TRAF5: variants seen among roughly 807,000 people sequenced by gnomAD.
TRAF5 encodes the protein TNF receptor associated factor 5.
In TRAF5, 48 loss-of-function variants were observed where a neutral mutation model predicts 64.5. The observed-to-expected ratio is 0.74, with a 90% confidence interval of 0.59 to 0.95. TRAF5 has a LOEUF of 0.95. Among genes scored for constraint, TRAF5 ranks in the 40% least tolerant of loss-of-function variants. TRAF5 has a pLI of 0.00. For synonymous variants in TRAF5, 206 were observed against 240.5 expected (o/e 0.86, Z 1.33); for missense variants, 545 against 662.8 (o/e 0.82, Z 1.95).
At chr1:211,334,930 A>T (rs1702250811) in intron 1 of TRAF5, among the ~76,000 whole-genome samples, 1 of 152,144 alleles carries the variant, frequency 6.6e-6, no homozygotes, top group South Asian at 2.1e-4. Context: ...ATTGCCCTAG[A>T]CAAAGAACCA....
chr1:211,343,563 A>G (rs1203559034), intron 1 of TRAF5, among the ~76,000 whole-genome samples: 1 of 152,098 alleles, frequency 6.6e-6, no homozygotes, highest in African/African-American at 2.4e-5. Flanking sequence ...CTGGGATTAC[A>G]GGTTTGAGCC....
intron 1 of TRAF5, among the ~76,000 whole-genome samples, chr1:211,348,155 C>T (rs2102734281): frequency 6.6e-6 from 1 of 152,308 alleles, no homozygotes; most frequent in African/African-American, 2.4e-5. Context: ...TGATATGCAA[C>T]AGACTGAATG....
At chr1:211,358,084 C>T (rs1189302613) in intron 4 of TRAF5, 2 of 152,184 alleles carry the variant, frequency 1.3e-5, no homozygotes, top group Non-Finnish European at 2.9e-5. Context: ...TTAAAGGACC[C>T]TCAGGGGGAC....
chr1:211,354,816 A>G (rs551581188), intron 3 of TRAF5, among the ~76,000 whole-genome samples: 1 of 152,130 alleles, frequency 6.6e-6, no homozygotes, highest in Non-Finnish European at 1.5e-5. Context: ...CTATTTGTAC[A>G]TCTTCTTTGT....
intron 1 of TRAF5, among the ~76,000 whole-genome samples, chr1:211,346,961 T>C (rs1008423625): frequency 1.3e-5 from 2 of 152,222 alleles, no homozygotes; most frequent in Non-Finnish European, 2.9e-5. Context: ...CTTTCTTTTG[T>C]CTCTTTTGGC....
In TRAF5 at chr1:211,371,315, A is replaced by G; in HGVS notation, c.944A>G (p.His315Arg). 2 of 1,586,118 alleles carry G rather than the reference A, an allele frequency of 1.3e-6. No homozygotes were observed. Among genetic ancestry groups the G allele is most frequent in the Non-Finnish European group, 1.7e-6 (2 of 1,172,902 alleles). ...FLPNIQVFAS[H>R]IDKSAWLEAQ... The stretch of plus-strand genomic sequence containing the variant: ...TTGTAATGAAAGGTTTTTGCCAGTC[A>G]CATTGACAAGTCAGCTTGGCTAGAA... Residue 315 changes from histidine (H) to arginine (R), a missense_variant, in exon 10 of 11, where the codon CAC becomes CGC. Physicochemically the swap from His to Arg is conservative, Grantham distance 29 (BLOSUM62 0). Coordinates refer to ENST00000261464, the MANE Select transcript of TRAF5 (RefSeq NM_001033910.3).
chr1:211,333,378 G>A (rs1214681871), intron 1 of TRAF5, among the ~76,000 whole-genome samples: 2 of 152,052 alleles, frequency 1.3e-5, no homozygotes, highest in South Asian at 2.1e-4. Flanking sequence ...TAGTAGAAAC[G>A]GGATTTCACC....
At chr1:211,334,786 C>T (rs973629218) in intron 1 of TRAF5, among the ~76,000 whole-genome samples, 1 of 152,244 alleles carries the variant, frequency 6.6e-6, no homozygotes, top group African/African-American at 2.4e-5. Flanking sequence ...AGCCAGGGGC[C>T]ATCCTTGCGA....
intron 9 of TRAF5, 39 bp from the exon 10 acceptor site, chr1:211,371,263 C>A: frequency 1.3e-6 from 2 of 1,522,818 alleles, no homozygotes; most frequent in Non-Finnish European, 1.8e-6. Flanking sequence ...AAAATATTAA[C>A]TAATTTTTTA....
intron 3 of TRAF5, 130 bp from the exon 4 acceptor site, chr1:211,356,237 C>T: frequency 1.6e-6 from 1 of 635,692 alleles, no homozygotes; most frequent in Non-Finnish European, 2.8e-6. Flanking sequence ...TGTGATATTT[C>T]CATTCCAGCT....
chr1:211,365,529 C>T, intron 8 of TRAF5, 61 bp downstream of exon 8: 1 of 1,308,750 alleles, frequency 7.6e-7, no homozygotes, highest in East Asian at 2.5e-5. Flanking sequence ...TTTACCTGCT[C>T]TATGCTGGTA....
intron 7 of TRAF5, among the ~76,000 whole-genome samples, chr1:211,361,893 C>T (rs1703197903): frequency 6.6e-6 from 1 of 151,836 alleles, no homozygotes; most frequent in South Asian, 2.1e-4. Context: ...GACAGGGTTT[C>T]ACCATGTTGG....
At chr1:211,335,967 T>C (rs1474306076) in intron 1 of TRAF5, among the ~76,000 whole-genome samples, 3 of 151,934 alleles carry the variant, frequency 2.0e-5, no homozygotes, top group Non-Finnish European at 4.4e-5. Context: ...TGGTCTGGTC[T>C]GATGATCTCT....
At chr1:211,355,392 G>A (rs1479826175) in intron 3 of TRAF5, among the ~76,000 whole-genome samples, 1 of 151,862 alleles carries the variant, frequency 6.6e-6, no homozygotes, top group Admixed American at 6.6e-5. Context: ...TTGTATCTAA[G>A]AAACGATTGT....
intron 4 of TRAF5, chr1:211,358,688 A>G (rs1703066196): frequency 1.3e-5 from 2 of 151,424 alleles, no homozygotes; most frequent in Non-Finnish European, 2.9e-5. Flanking sequence ...CTTGGGTGAC[A>G]GAGAGAGACC....
chr1:211,351,504 TGTGA>T (rs1339050886), intron 1 of TRAF5, among the ~76,000 whole-genome samples: 1 of 152,124 alleles, frequency 6.6e-6, no homozygotes, highest in African/African-American at 2.4e-5. Flanking sequence ...TGATAGATAC[TGTGA>T]GTAATATATT....
At chr1:211,350,776 C>T (rs1389942528) in intron 1 of TRAF5, among the ~76,000 whole-genome samples, 1 of 152,144 alleles carries the variant, frequency 6.6e-6, no homozygotes, top group African/African-American at 2.4e-5. Context: ...AAGCTGAAAG[C>T]CCAATATCAG....
chr1:211,358,321 C>G (rs984593739), intron 4 of TRAF5: 1 of 151,870 alleles, frequency 6.6e-6, no homozygotes, highest in African/African-American at 2.4e-5. Context: ...ACTAATAATA[C>G]AAAAATTAGC....
chr1:211,358,443 C>T (rs1050584842), intron 4 of TRAF5: 1 of 149,536 alleles, frequency 6.7e-6, no homozygotes, highest in African/African-American at 2.5e-5. Context: ...CGCCACTGCA[C>T]TTCAGCCTGG....
Sources: allele counts gnomAD v4.1 joint callset (sites outside exome capture counted in the v4.1 genomes callset), GRCh38; gene constraint gnomAD v4.1.1; transcripts MANE v1.5; gene names NCBI Gene and HGNC (gene_info 2026-07-23, HGNC 2026-07-21).